ADAMTS14: variants seen among roughly 807,000 people sequenced by gnomAD.
ADAMTS14 encodes the protein A disintegrin and metalloproteinase with thrombospondin motifs 14.
ADAMTS14 carries 100 observed loss-of-function variants against 128.6 expected under a neutral mutation model. The ratio of observed to expected loss-of-function variants is 0.78; its 90% CI spans 0.66 to 0.92. The LOEUF (loss-of-function observed/expected upper bound fraction) is 0.92. Ranked by LOEUF, ADAMTS14 falls within the 40% of genes least tolerant of loss-of-function variation. The pLI, the probability that ADAMTS14 is intolerant of heterozygous loss-of-function variation, is 0.00. For missense variants in ADAMTS14, 1,562 were observed against 1,658.6 expected (o/e 0.94, Z 1.01); for synonymous variants, 665 against 653.8 (o/e 1.02, Z -0.26).
intron 4 of ADAMTS14, among the ~76,000 whole-genome samples, chr10:70,721,598 A>C (rs993638630): frequency 2.0e-5 from 3 of 152,040 alleles, no homozygotes; most frequent in African/African-American, 7.2e-5. Context: ...CGTGTTAGCC[A>C]GGATGGTCTC....
chr10:70,726,577 A>G (rs1322067159), intron 4 of ADAMTS14, among the ~76,000 whole-genome samples: 2 of 152,196 alleles, frequency 1.3e-5, no homozygotes, highest in Non-Finnish European at 2.9e-5. Context: ...TAGTCTGCTT[A>G]TAGTGCACTC....
At chr10:70,739,685 G>A (rs916499849) in intron 11 of ADAMTS14, among the ~76,000 whole-genome samples, 4 of 152,086 alleles carry the variant, frequency 2.6e-5, no homozygotes, top group African/African-American at 9.7e-5. Flanking sequence ...ACAACAACAG[G>A]GCCTGGCCTG....
chr10:70,707,804 G>A (rs1356563829), intron 3 of ADAMTS14, among the ~76,000 whole-genome samples: 1 of 152,132 alleles, frequency 6.6e-6, no homozygotes, highest in Non-Finnish European at 1.5e-5. Context: ...AAGGCCCAGG[G>A]CCAGATATAG....
rs756187663 is a variant in ADAMTS14 at position 70,702,437 on chromosome 10, G to A, written c.648G>A (p.Trp216Ter). Residue 216 changes from tryptophan (W) to a stop codon, truncating the protein, a stop_gained, in exon 3 of 22, where the codon TGG (tryptophan) becomes TGA (stop). Coordinates refer to ENST00000373207, the MANE Select transcript of ADAMTS14 (RefSeq NM_080722.4). LOFTEE classifies it high-confidence loss of function. Reference sequence around the variant, plus strand: ...GCCGGGAGGCCGTCCAGCAGGAGTGGGCAGAACCTGACGGGGACCTGCACA... The same window carrying A: ...GCCGGGAGGCCGTCCAGCAGGAGTGAGCAGAACCTGACGGGGACCTGCACA... ...VYRREAVQQE[W>*]AEPDGDLHNE... 1 of 1,612,894 alleles carries A rather than the reference G, an allele frequency of 6.2e-7. No individual in the cohort carries two copies. The highest frequency in any genetic ancestry group is 1.1e-5 in the South Asian group (1 of 90,864).
rs78144164 is a variant in ADAMTS14 at position 70,743,538 on chromosome 10, C to T, written c.1925-10C>T. Reference sequence around the variant, plus strand: ...CAGCTGGGGACTCAGCATAGTCCCTCTCCCTACAGACGCCCAGAAGTGTGA... The same window carrying T: ...CAGCTGGGGACTCAGCATAGTCCCTTTCCCTACAGACGCCCAGAAGTGTGA... On this transcript the variant is annotated splice_polypyrimidine_tract_variant and intron_variant, in intron 12 of 21. Transcript: ENST00000373207. 1.7e-3 allele frequency: 2,760 copies of T among 1,611,590 alleles called. 22 individuals are homozygous for T. The highest frequency in any genetic ancestry group is 9.9e-3 in the African/African-American group (743 of 74,918).
Position 70,733,949 on chromosome 10 carries a change from A to G in ADAMTS14, c.1273A>G (p.Met425Val), listed in dbSNP as rs1204303089. The G allele has an allele frequency of 1.9e-6, 3 of 1,613,778 alleles. No individual in the cohort carries two copies. The African/African-American group carries it at 4.0e-5, about 22-fold the overall frequency. Residue 425 changes from methionine to valine, a missense_variant, in exon 8 of 22, where the codon ATG becomes GTG. By Grantham distance (21) the Met-to-Val change is conservative. Coordinates refer to ENST00000373207, the MANE Select transcript of ADAMTS14 (RefSeq NM_080722.4). ...CADETSLGSVMAPLVQAAFHR... is the reference protein window; with the variant it reads ...CADETSLGSVVAPLVQAAFHR... Reference sequence around the variant, plus strand: ...AGATGAGACCAGCCTGGGCAGCGTCATGGCGCCCCTGGTGCAGGCTGCCTT... The same window carrying G: ...AGATGAGACCAGCCTGGGCAGCGTCGTGGCGCCCCTGGTGCAGGCTGCCTT...
At chr10:70,730,491 C>T (rs1250838492) in intron 6 of ADAMTS14, among the ~76,000 whole-genome samples, 1 of 152,192 alleles carries the variant, frequency 6.6e-6, no homozygotes, top group Non-Finnish European at 1.5e-5. Flanking sequence ...AGTGGTCAGG[C>T]CCTGGGTCCT....
chr10:70,712,652 G>A (rs1840898198), intron 4 of ADAMTS14, among the ~76,000 whole-genome samples: 2 of 152,122 alleles, frequency 1.3e-5, no homozygotes, highest in South Asian at 4.1e-4. Context: ...CCTGCGTGCA[G>A]ACAGGAATTT....
chr10:70,715,719 C>T (rs889662671), intron 4 of ADAMTS14, among the ~76,000 whole-genome samples: 17 of 152,260 alleles, frequency 1.1e-4, no homozygotes, highest in African/African-American at 3.9e-4. Flanking sequence ...ATGTTTCTTT[C>T]TATTGGGCAA....
intron 2 of ADAMTS14, among the ~76,000 whole-genome samples, chr10:70,695,450 TC>T (rs763770891): frequency 5.1e-4 from 78 of 152,198 alleles, no homozygotes; most frequent in Admixed American, 4.0e-3. Flanking sequence ...TGGGGCTGCC[TC>T]TCTTACCTGC....
chr10:70,706,564 C>A (rs1004571097), intron 3 of ADAMTS14, among the ~76,000 whole-genome samples: 5 of 152,184 alleles, frequency 3.3e-5, no homozygotes, highest in Non-Finnish European at 5.9e-5. Context: ...GGCTCAGACA[C>A]CAGGGCCACC....
rs61754837 is a variant in ADAMTS14, at chr10:70,674,733, G to A, written c.260G>A (p.Arg87His). The A allele has an allele frequency of 4.0e-5, 64 of 1,613,276 alleles. No individual in the cohort carries two copies. Among genetic ancestry groups the A allele is most frequent in the Non-Finnish European group, 5.2e-5 (61 of 1,179,964 alleles). ...CACTCCAGTCACCTCCGGGTGGCTC[G>A]CAGCCCTCTGCACCCAGGAGGGACC... is the stretch of plus-strand genomic sequence containing the variant. ...PRHSSHLRVA[R>H]SPLHPGGTLW... The change falls in exon 2 of 22, where the codon CGC becomes CAC. Residue 87 changes from arginine to histidine, a missense_variant. Coordinates refer to ENST00000373207, the MANE Select transcript of ADAMTS14 (RefSeq NM_080722.4).
chr10:70,730,273 A>G (rs746425876), intron 6 of ADAMTS14, 24 bp downstream of exon 6: 1 of 1,608,966 alleles, frequency 6.2e-7, no homozygotes, highest in African/African-American at 1.3e-5. Context: ...TGTATTTGCC[A>G]TGGCCAGGTG....
intron 4 of ADAMTS14, among the ~76,000 whole-genome samples, chr10:70,709,294 A>C (rs1187079257): frequency 3.3e-5 from 5 of 152,130 alleles, no homozygotes; most frequent in Non-Finnish European, 7.3e-5. Context: ...AAAATCAGGG[A>C]TGTGGGCAAA....
rs375072967 is a variant in ADAMTS14 at position 70,708,613 on chromosome 10, C to G, written c.705C>G (p.Asn235Lys). 9 of 1,608,300 alleles carry G rather than the reference C, an allele frequency of 5.6e-6. No individual in the cohort carries two copies. Among genetic ancestry groups the G allele is most frequent in the Non-Finnish European group, 7.7e-6 (9 of 1,175,374 alleles). Residue 235 changes from asparagine to lysine, a missense_variant, in exon 4 of 22, where the codon AAC (asparagine) becomes AAG (lysine). By Grantham distance (94) the Asn-to-Lys change is moderately conservative (BLOSUM62 0). Transcript: ENST00000373207. The stretch of plus-strand genomic sequence containing the variant: ...CCTTTGGCCTGGGAGACCTTCCCAA[C>G]CTGCTGGGCCTGGTGGGGGACCAGC... Reference protein sequence around the residue: ...NEAFGLGDLPNLLGLVGDQLG... With the variant: ...NEAFGLGDLPKLLGLVGDQLG...
intron 4 of ADAMTS14, among the ~76,000 whole-genome samples, chr10:70,715,801 A>C (rs1014675085): frequency 6.6e-6 from 1 of 152,182 alleles, no homozygotes; most frequent in Non-Finnish European, 1.5e-5. Context: ...AGGGGGTAGG[A>C]AGCCCTCCAA....
chr10:70,704,428 A>G (rs147715562), intron 3 of ADAMTS14, among the ~76,000 whole-genome samples: 3 of 151,966 alleles, frequency 2.0e-5, no homozygotes, highest in Non-Finnish European at 4.4e-5. Flanking sequence ...TTACTGGCAC[A>G]CACCCATGCA....
At chr10:70,681,693 G>T (rs1442424324) in intron 2 of ADAMTS14, among the ~76,000 whole-genome samples, 1 of 152,220 alleles carries the variant, frequency 6.6e-6, no homozygotes, top group Admixed American at 6.5e-5. Flanking sequence ...CTGGGAAGCT[G>T]CGGGTCGGCT....
At chr10:70,674,172 G>A (rs1839569230) in intron 1 of ADAMTS14, among the ~76,000 whole-genome samples, 1 of 152,164 alleles carries the variant, frequency 6.6e-6, no homozygotes, top group Admixed American at 6.5e-5. Context: ...CAGCACACTG[G>A]GGAGTTTGGG....
Sources: gnomAD v4.1 joint callset for allele counts (sites outside exome capture counted in the v4.1 genomes callset) on GRCh38, gnomAD v4.1.1 for gene constraint, MANE v1.5 for transcripts, NCBI Gene and HGNC (gene_info 2026-07-23, HGNC 2026-07-21) for gene names.